CDC42BPB: variants seen among roughly 807,000 people sequenced by gnomAD.
CDC42BPB encodes serine/threonine-protein kinase MRCK beta.
A neutral mutation model predicts 214.9 loss-of-function variants in CDC42BPB; 37 were observed. The observed-to-expected ratio is 0.17, with a 90% CI of 0.13 to 0.23. The LOEUF (loss-of-function observed/expected upper bound fraction) is 0.23. Ranked by LOEUF, CDC42BPB falls within the 10% of genes least tolerant of loss-of-function variation. The pLI, the probability that CDC42BPB is intolerant of heterozygous loss-of-function variation, is 1.00. For synonymous variants in CDC42BPB, 931 were observed against 884.0 expected (o/e 1.05, Z -0.94); for missense variants, 1,694 against 2,227.0 (o/e 0.76, Z 4.82).
chr14:102,965,149 G>T (rs1172580381), intron 18 of CDC42BPB, among the ~76,000 whole-genome samples: 3 of 151,954 alleles, frequency 2.0e-5, no homozygotes, highest in African/African-American at 7.3e-5. Flanking sequence ...GGCCAGGCTA[G>T]TCTCCAACTC....
chr14:102,959,649 T>A lies in CDC42BPB; in HGVS notation c.2883A>T (p.Ala961=). 6.2e-7 allele frequency: 1 copy of A among 1,608,312 alleles called. No individual in the cohort carries two copies. ...IFEYFNTAPL[A]HDLTFRTSSA... is the part of the protein sequence containing the mutation. Reference sequence around the variant, plus strand: ...GACTTACTCTAAATGTCAGGTCATGTGCAAGAGGAGCAGTGTTGAAATACT... The same window carrying A: ...GACTTACTCTAAATGTCAGGTCATGAGCAAGAGGAGCAGTGTTGAAATACT... Residue 961 remains alanine (A), a synonymous_variant, in exon 21 of 37, where the codon GCA becomes GCT. Coordinates refer to ENST00000361246, the MANE Select transcript of CDC42BPB (RefSeq NM_006035.4).
intron 1 of CDC42BPB, among the ~76,000 whole-genome samples, chr14:103,016,260 C>T (rs893648640): frequency 6.6e-6 from 1 of 152,230 alleles, no homozygotes; most frequent in Admixed American, 6.5e-5. Context: ...TGGCCGACTG[C>T]CAGAAGGAAC....
At position 102,959,710 on chromosome 14, in the gene CDC42BPB, C is replaced by T. The variant is rs1169851926; in HGVS notation, c.2822G>A (p.Gly941Glu). 3 of 1,609,844 alleles carry T rather than the reference C, an allele frequency of 1.9e-6. No homozygotes were observed. The change falls in exon 21 of 37, where the codon GGG becomes GAG. Residue 941 changes from glycine to glutamate, a missense_variant and splice_region_variant. By Grantham distance (98) the Gly-to-Glu change is moderately conservative. Around this residue, in one of 7 missense-constraint regions of CDC42BPB, gnomAD observed 156 missense variants for 154.5 expected, o/e 1.01. Transcript: ENST00000361246. ...KMEEKFRADT[G>E]LKLPDFQDSI... ...ATCCTGAAAATCTGGAAGTTTGAGC[C>T]CTGCAAAAAGAAACAAAGAATAGTC...
intron 3 of CDC42BPB, 42 bp downstream of exon 3, chr14:103,008,429 AC>A: frequency 7.8e-7 from 1 of 1,282,080 alleles, no homozygotes; most frequent in Non-Finnish European, 1.1e-6. Context: ...CTTTCTGCTC[AC>A]CCCAAGCCCC....
At position 103,057,033 on chromosome 14, in the gene CDC42BPB, G is replaced by A; in HGVS notation, c.141C>T (p.Arg47=). The change falls in exon 1 of 37, where the codon CGC becomes CGT. Residue 47 remains arginine, a synonymous_variant. Transcript: ENST00000361246. ...LYTECSHSAL[R]RDKYVAEFLE... is the part of the protein sequence containing the mutation. ...GGAACTCGGCCACGTACTTGTCGCGGCGCAGGGCCGAGTGGCTGCACTCGG... is the reference window on the plus strand; with the variant it reads ...GGAACTCGGCCACGTACTTGTCGCGACGCAGGGCCGAGTGGCTGCACTCGG... The A allele has an allele frequency of 6.6e-7, 1 of 1,513,008 alleles. No individual in the cohort carries two copies. Among genetic ancestry groups the A allele is most frequent in the East Asian group, 2.7e-5 (1 of 37,424 alleles). 93.7% of individuals were successfully genotyped at this position (1,513,008 alleles called of 1,614,324 possible).
intron 5 of CDC42BPB, among the ~76,000 whole-genome samples, chr14:102,989,292 A>G (rs1033952645): frequency 2.0e-5 from 3 of 152,230 alleles, no homozygotes; most frequent in Non-Finnish European, 4.4e-5. Flanking sequence ...ACTTTCATCC[A>G]CTGCTGGTGG....
At position 102,944,147 on chromosome 14, in the gene CDC42BPB, G is replaced by T. The variant is rs770601956; in HGVS notation, c.4152C>A (p.Asp1384Glu). Reference sequence around the variant, plus strand: ...CAGAAGGGTAGCCCACACAGAGCCTGTCCCTGAGCACCGCCAGGCACTGCA... The same window carrying T: ...CAGAAGGGTAGCCCACACAGAGCCTTTCCCTGAGCACCGCCAGGCACTGCA... ...GSVQCLAVLR[D>E]RLCVGYPSGF... is the part of the protein sequence containing the mutation. The change falls in exon 30 of 37, where the codon GAC becomes GAA. Residue 1384 changes from aspartate (D) to glutamate (E), a missense_variant. Physicochemically the swap from Asp to Glu is conservative, Grantham distance 45. Around this residue, in one of 7 missense-constraint regions of CDC42BPB, gnomAD observed 567 missense variants for 790.3 expected, o/e 0.72. Transcript: ENST00000361246. The surrounding 1 kb of genome is among the most constrained non-coding windows in gnomAD (Gnocchi z 6.6). 1.2e-6 allele frequency: 2 copies of T among 1,613,202 alleles called. No homozygotes were observed.
chr14:102,939,795 G>T lies in CDC42BPB; in HGVS notation c.4709+35C>A, dbSNP rs1237365998. On this transcript the variant is annotated intron_variant, in intron 33 of 36. Transcript: ENST00000361246. ...ATCCTCTTGGCCCCCTCCCTAGAGCGAGGCCCAGCAGGCCCCGTGAGGCCC... is the reference window on the plus strand; with the variant it reads ...ATCCTCTTGGCCCCCTCCCTAGAGCTAGGCCCAGCAGGCCCCGTGAGGCCC... 3.1e-6 allele frequency: 5 copies of T among 1,613,900 alleles called. No individual in the cohort carries two copies. In the African/African-American group the frequency reaches 6.7e-5, roughly 22 times the overall value.
At chr14:103,014,221 G>A (rs1886330708) in intron 1 of CDC42BPB, among the ~76,000 whole-genome samples, 2 of 150,362 alleles carry the variant, frequency 1.3e-5, no homozygotes, top group African/African-American at 4.9e-5. Flanking sequence ...CTCTTCCCAG[G>A]AACACAGAGC....
intron 1 of CDC42BPB, 102 bp from the exon 2 acceptor site, chr14:103,012,290 G>A (rs1186947750): frequency 1.6e-5 from 23 of 1,470,842 alleles, no homozygotes; most frequent in Non-Finnish European, 2.0e-5. Flanking sequence ...TTTTAAAAAA[G>A]TTTGTTTGAA....
intron 24 of CDC42BPB, among the ~76,000 whole-genome samples, chr14:102,952,221 G>GGT (rs1183761364): frequency 6.6e-6 from 1 of 152,148 alleles, no homozygotes; most frequent in Non-Finnish European, 1.5e-5. Context: ...GCATGCTGGT[G>GGT]GTGTGTGTGT....
At chr14:102,937,374 C>G (rs1891687374) in intron 36 of CDC42BPB, among the ~76,000 whole-genome samples, 1 of 152,272 alleles carries the variant, frequency 6.6e-6, no homozygotes, top group African/African-American at 2.4e-5. Flanking sequence ...GGAAGAGACG[C>G]TGACCTTGGC....
At chr14:102,978,294 A>G in intron 8 of CDC42BPB, 89 bp from the exon 9 acceptor site, 2 of 1,579,158 alleles carry the variant, frequency 1.3e-6, no homozygotes, top group Non-Finnish European at 1.7e-6. Context: ...TGGTGACAGG[A>G]GGCACTGGGC....
chr14:103,015,720 A>G (rs2139653820), intron 1 of CDC42BPB, among the ~76,000 whole-genome samples: 1 of 152,018 alleles, frequency 6.6e-6, no homozygotes, highest in South Asian at 2.1e-4. Flanking sequence ...AGAGGCTGGA[A>G]TTTTTATTTG....
At chr14:102,937,785 T>C (rs552482399) in intron 36 of CDC42BPB, among the ~76,000 whole-genome samples, 3 of 152,334 alleles carry the variant, frequency 2.0e-5, no homozygotes, top group East Asian at 3.9e-4. Flanking sequence ...ATGTATCACA[T>C]TGAAGTACAT....
chr14:103,042,547 T>C (rs1019422798), intron 1 of CDC42BPB, among the ~76,000 whole-genome samples: 1 of 152,190 alleles, frequency 6.6e-6, no homozygotes, highest in Non-Finnish European at 1.5e-5. Flanking sequence ...CCTGACCTCG[T>C]GATCTGCCCG....
chr14:103,033,295 C>G (rs550556128), intron 1 of CDC42BPB, among the ~76,000 whole-genome samples: 8 of 152,286 alleles, frequency 5.3e-5, no homozygotes, highest in Non-Finnish European at 8.8e-5. Flanking sequence ...CATCTCTGCT[C>G]ACTGCAAGCC....
intron 1 of CDC42BPB, among the ~76,000 whole-genome samples, chr14:103,049,018 C>G (rs1888459352): frequency 6.6e-6 from 1 of 152,096 alleles, no homozygotes; most frequent in Non-Finnish European, 1.5e-5. Context: ...AATAAGAATG[C>G]AGACACTGAA....
chr14:102,999,823 G>C, intron 4 of CDC42BPB, 110 bp from the exon 5 acceptor site: 1 of 1,512,620 alleles, frequency 6.6e-7, no homozygotes, highest in Non-Finnish European at 8.9e-7. Context: ...GGTCTGGCTC[G>C]TGGCATCTCA....
Sources: gnomAD v4.1 joint callset for allele counts (sites outside exome capture counted in the v4.1 genomes callset) on GRCh38, gnomAD v4.1.1 for gene constraint, gnomAD v4.1.1 regional missense constraint, Gnocchi (gnomAD v3.1) non-coding constraint, MANE v1.5 for transcripts, NCBI Gene and HGNC (gene_info 2026-07-23, HGNC 2026-07-21) for gene names.